SPN: variants seen among roughly 807,000 people sequenced by gnomAD.
SPN encodes the protein leukosialin.
Under a neutral mutation model 8.4 loss-of-function variants are expected in SPN, and 6 were observed. The observed-to-expected ratio is 0.72, with a 90% confidence interval of 0.39 to 1.42. The LOEUF (loss-of-function observed/expected upper bound fraction) is 1.42, where lower values mean the gene tolerates loss of function less well. Ranked by LOEUF, SPN falls within the 40% of genes most tolerant of loss-of-function variation. The pLI is 0.02. For missense variants in SPN, 517 were observed against 530.6 expected (o/e 0.97, Z 0.25); for synonymous variants, 201 against 222.6 (o/e 0.90, Z 0.86).
rs1391680000 is a variant in SPN at position 29,666,842 on chromosome 16, A to G, written c.*1911A>G. The stretch of plus-strand genomic sequence containing the variant: ...CCAGCCCAGGCTACAGCCCAGGAGC[A>G]CACATGGGCCAGGGCAGTTGGTATT... On this transcript the variant is annotated 3_prime_UTR_variant, in exon 2 of 2. Coordinates refer to ENST00000652691, the MANE Select transcript of SPN (RefSeq NM_003123.6). The G allele has an allele frequency of 1.1e-5, 5 of 466,804 alleles. No individual in the cohort carries two copies. Among genetic ancestry groups the G allele is most frequent in the Non-Finnish European group, 1.8e-5 (4 of 224,238 alleles). The allele number at this position is 466,804 out of a possible 1,614,324, so 28.9% of individuals were successfully genotyped here.
rs1398003224 is a variant in SPN, at chr16:29,670,560, TA to T, written c.*5632del. 6.6e-5 allele frequency: 17 copies of T among 258,682 alleles called. No homozygotes were observed. In the Admixed American group the frequency reaches 8.5e-4, roughly 13 times the overall value. 16.0% of individuals were successfully genotyped at this position (258,682 alleles called of 1,614,324 possible). A position where few individuals can be genotyped will look rare whatever the true frequency, so the allele number is the denominator to read the frequency against. ...AATATATTAGTTATGAAAATAATTG[TA>T]AATGGCTTATTGAACTTATAGTCAG... On this transcript the variant is annotated 3_prime_UTR_variant, in exon 2 of 2. Coordinates refer to ENST00000652691, the MANE Select transcript of SPN (RefSeq NM_003123.6).
rs1966824227 is a variant in SPN, at chr16:29,666,882, A to G, written c.*1951A>G. The G allele has an allele frequency of 2.1e-6, 1 of 470,864 alleles. No homozygotes were observed. 29.2% of individuals were successfully genotyped at this position (470,864 alleles called of 1,614,324 possible). On this transcript the variant is annotated 3_prime_UTR_variant, in exon 2 of 2. Transcript: ENST00000652691. ...CAGTTGGTATTTCCCGAGGACAAAG[A>G]GGAAATTTTCAAAGAGGAAGTTGTT... is the stretch of plus-strand genomic sequence containing the variant.
In SPN at chr16:29,666,947, C is replaced by T. The variant is rs1966824860; in HGVS notation, c.*2016C>T. 2.1e-6 allele frequency: 1 copy of T among 470,816 alleles called. No homozygotes were observed. The highest frequency in any genetic ancestry group is 4.4e-6 in the Non-Finnish European group (1 of 226,874). 29.2% of individuals were successfully genotyped at this position (470,816 alleles called of 1,614,324 possible). ...GGTGGCTGAGAGCAGACAGGTTGAC[C>T]TGCAAAAAAAGACAGGGGAGGCATG... On this transcript the variant is annotated 3_prime_UTR_variant, in exon 2 of 2. Coordinates refer to ENST00000652691, the MANE Select transcript of SPN (RefSeq NM_003123.6).
At position 29,664,526 on chromosome 16, in the gene SPN, G is replaced by A. The variant is rs375631680; in HGVS notation, c.798G>A (p.Ala266=). The part of the protein sequence containing the change: ...LPVAVLVALL[A]VIVLVALLLL... ...TGGCTGTGCTTGTGGCCCTGCTGGCGGTCATAGTCCTCGTGGCTCTGCTCC... is the reference window on the plus strand; with the variant it reads ...TGGCTGTGCTTGTGGCCCTGCTGGCAGTCATAGTCCTCGTGGCTCTGCTCC... Residue 266 remains alanine (A), a synonymous_variant, in exon 2 of 2, where the codon GCG becomes GCA. Coordinates refer to ENST00000652691, the MANE Select transcript of SPN (RefSeq NM_003123.6). This position sits in a 1 kb window ranked among gnomAD's most constrained non-coding sequence, Gnocchi z 6.4. 3.7e-5 allele frequency: 59 copies of A among 1,614,036 alleles called. No individual in the cohort carries two copies. In the East Asian group the frequency reaches 8.7e-4, roughly 24 times the overall value.
rs1403380833 is a variant in SPN, at chr16:29,664,061, T to G, written c.333T>G (p.His111Gln). The change falls in exon 2 of 2, where the codon CAT becomes CAG. Residue 111 changes from histidine (H) to glutamine (Q), a missense_variant. Physicochemically the swap from His to Gln is conservative, Grantham distance 24. Transcript: ENST00000652691. This position sits in a 1 kb window ranked among gnomAD's most constrained non-coding sequence, Gnocchi z 6.4. ...KMSSVPQETPHATSHPAVPIT... is the reference protein window; with the variant it reads ...KMSSVPQETPQATSHPAVPIT... ...CATCAGTGCCCCAGGAAACCCCTCA[T>G]GCAACCAGTCATCCTGCTGTTCCCA... is the stretch of plus-strand genomic sequence containing the variant. 1 of 1,613,986 alleles carries G rather than the reference T, an allele frequency of 6.2e-7. No homozygotes were observed. The highest frequency in any genetic ancestry group is 8.5e-7 in the Non-Finnish European group (1 of 1,179,986).
In SPN at chr16:29,666,520, T is replaced by TCACACACA. The variant is rs1402543215; in HGVS notation, c.*1590_*1591insACACACAC. The TCACACACA allele has an allele frequency of 4.6e-4, 62 of 133,474 alleles. No individual in the cohort carries two copies. The highest frequency in any genetic ancestry group is 1.6e-3 in the East Asian group (6 of 3,682). The allele number at this position is 133,474 out of a possible 1,614,324, so 8.3% of individuals were successfully genotyped here. On this transcript the variant is annotated 3_prime_UTR_variant, in exon 2 of 2. Transcript: ENST00000652691. ...CATGTGCGCTCTCTCTCTCTCTCTC[T>TCACACACA]CTCTCACACACACACACACACACAC...
In SPN at chr16:29,664,940, G is replaced by C; in HGVS notation, c.*9G>C. 2 of 1,369,150 alleles carry C rather than the reference G, an allele frequency of 1.5e-6. No homozygotes were observed. Among genetic ancestry groups the C allele is most frequent in the Non-Finnish European group, 1.9e-6 (2 of 1,055,770 alleles). 84.8% of individuals were successfully genotyped at this position (1,369,150 alleles called of 1,614,324 possible). On this transcript the variant is annotated 3_prime_UTR_variant, in exon 2 of 2. Coordinates refer to ENST00000652691, the MANE Select transcript of SPN (RefSeq NM_003123.6). The surrounding 1 kb of genome is among the most constrained non-coding windows in gnomAD (Gnocchi z 6.4). ...ACGGGGCTGCCCCTTAAGTGTCGGT[G>C]AATAGTGAGGCTGGAGGCCGGAATC...
In SPN at chr16:29,663,590, C is replaced by A. The variant is rs548524210; in HGVS notation, c.-34-105C>A. On this transcript the variant is annotated intron_variant, in intron 1 of 1. Transcript: ENST00000652691. The surrounding 1 kb of genome is among the most constrained non-coding windows in gnomAD (Gnocchi z 4.3). ...GCCAGCATGGAAAAAACCGTTAAAC[C>A]GCAGGTTGGGCCTGGCCGTTGGCAG... is the stretch of plus-strand genomic sequence containing the variant. 8.2e-7 allele frequency: 1 copy of A among 1,224,304 alleles called. No homozygotes were observed. The highest frequency in any genetic ancestry group is 1.1e-6 in the Non-Finnish European group (1 of 888,820). The allele number at this position is 1,224,304 out of a possible 1,614,324, so 75.8% of individuals were successfully genotyped here.
In SPN at chr16:29,664,475, T is replaced by G. The variant is rs1310259970; in HGVS notation, c.747T>G (p.Asp249Glu). ...NASTVPFRNP[D>E]ENSRGMLPVA... ...GCACTGTGCCCTTCCGGAACCCAGA[T>G]GAGAACTCACGAGGCATGCTGCCAG... is the stretch of plus-strand genomic sequence containing the variant. The change falls in exon 2 of 2, where the codon GAT becomes GAG. Residue 249 changes from aspartate to glutamate, a missense_variant. Asp to Glu is a conservative substitution (Grantham distance 45). Transcript: ENST00000652691. The surrounding 1 kb of genome is among the most constrained non-coding windows in gnomAD (Gnocchi z 6.4). 3 of 1,614,198 alleles carry G rather than the reference T, an allele frequency of 1.9e-6. No homozygotes were observed.
rs1408273775 is a variant in SPN, at chr16:29,667,516, G to A, written c.*2585G>A. On this transcript the variant is annotated 3_prime_UTR_variant, in exon 2 of 2. Transcript: ENST00000652691. ...GCACAGGCCGGGTGCGGTGGCTCAC[G>A]CCTGTAATCTCAGCACTTTGGGAGG... is the stretch of plus-strand genomic sequence containing the variant. 3 of 166,344 alleles carry A rather than the reference G, an allele frequency of 1.8e-5. No homozygotes were observed. Among genetic ancestry groups the A allele is most frequent in the Non-Finnish European group, 1.4e-5 (1 of 69,364 alleles). 10.3% of individuals were successfully genotyped at this position (166,344 alleles called of 1,614,324 possible). A position where few individuals can be genotyped will look rare whatever the true frequency, so the allele number is the denominator to read the frequency against.
rs1596769715 is a variant in SPN, at chr16:29,663,666, G to A, written c.-34-29G>A. The A allele has an allele frequency of 2.0e-6, 3 of 1,513,686 alleles. No homozygotes were observed. The highest frequency in any genetic ancestry group is 2.5e-4 in the Middle Eastern group (1 of 3,976). 93.8% of individuals were successfully genotyped at this position (1,513,686 alleles called of 1,614,324 possible). On this transcript the variant is annotated intron_variant, in intron 1 of 1. Coordinates refer to ENST00000652691, the MANE Select transcript of SPN (RefSeq NM_003123.6). This position sits in a 1 kb window ranked among gnomAD's most constrained non-coding sequence, Gnocchi z 4.3. ...CCAGGTCCTCCGGCAACTCCCGCGT[G>A]TTCTGCTTCTCCGGCTGCCCACCTG...
chr16:29,666,928 T>G lies in SPN; in HGVS notation c.*1997T>G. On this transcript the variant is annotated 3_prime_UTR_variant, in exon 2 of 2. Transcript: ENST00000652691. ...TTGTTGAGTTAGAGCTTGCGGTGGCTGAGAGCAGACAGGTTGACCTGCAAA... is the reference window on the plus strand; with the variant it reads ...TTGTTGAGTTAGAGCTTGCGGTGGCGGAGAGCAGACAGGTTGACCTGCAAA... The G allele has an allele frequency of 2.1e-6, 1 of 470,766 alleles. No individual in the cohort carries two copies. The highest frequency in any genetic ancestry group is 4.4e-6 in the Non-Finnish European group (1 of 226,878). The allele number at this position is 470,766 out of a possible 1,614,324, so 29.2% of individuals were successfully genotyped here. A position where few individuals can be genotyped will look rare whatever the true frequency, so the allele number is the denominator to read the frequency against.
In SPN at chr16:29,670,603, G is replaced by A. The variant is rs1247283153; in HGVS notation, c.*5672G>A. ...TATAGTCAGTAAAAATCATGTTTTT[G>A]AAAATTATGTAATGACTTTGGAAAA... On this transcript the variant is annotated 3_prime_UTR_variant, in exon 2 of 2. Transcript: ENST00000652691. 2 of 317,430 alleles carry A rather than the reference G, an allele frequency of 6.3e-6. No individual in the cohort carries two copies. Among genetic ancestry groups the A allele is most frequent in the Non-Finnish European group, 1.3e-5 (2 of 159,090 alleles). The allele number at this position is 317,430 out of a possible 1,614,324, so 19.7% of individuals were successfully genotyped here.
rs1966845903 is a variant in SPN at position 29,670,304 on chromosome 16, C to T, written c.*5373C>T. On this transcript the variant is annotated 3_prime_UTR_variant, in exon 2 of 2. Coordinates refer to ENST00000652691, the MANE Select transcript of SPN (RefSeq NM_003123.6). ...GCCAGTTTGAAACCAGCCTGGCCAACATGGTGAAACCCTGTCTCTACTAAA... is the reference window on the plus strand; with the variant it reads ...GCCAGTTTGAAACCAGCCTGGCCAATATGGTGAAACCCTGTCTCTACTAAA... 6.5e-6 allele frequency: 1 copy of T among 154,156 alleles called. No homozygotes were observed. Among genetic ancestry groups the T allele is most frequent in the South Asian group, 2.0e-4 (1 of 5,064 alleles). The allele number at this position is 154,156 out of a possible 1,614,324, so 9.5% of individuals were successfully genotyped here.
rs1224429093 is a variant in SPN at position 29,665,540 on chromosome 16, CCT to C, written c.*612_*613del. On this transcript the variant is annotated 3_prime_UTR_variant, in exon 2 of 2. Coordinates refer to ENST00000652691, the MANE Select transcript of SPN (RefSeq NM_003123.6). ...CTATTTATCTCCATCACCATTTCCC[CCT>C]CTTTCTTGTTCCTGGAAACGGCTGC... The C allele has an allele frequency of 1.8e-5, 3 of 167,344 alleles. No individual in the cohort carries two copies. Among genetic ancestry groups the C allele is most frequent in the Non-Finnish European group, 4.4e-5 (3 of 68,360 alleles). 10.4% of individuals were successfully genotyped at this position (167,344 alleles called of 1,614,324 possible). A position where few individuals can be genotyped will look rare whatever the true frequency, so the allele number is the denominator to read the frequency against.
In SPN at chr16:29,664,563, C is replaced by G; in HGVS notation, c.835C>G (p.Arg279Gly). The G allele has an allele frequency of 6.2e-7, 1 of 1,613,172 alleles. No homozygotes were observed. Among genetic ancestry groups the G allele is most frequent in the Non-Finnish European group, 8.5e-7 (1 of 1,179,722 alleles). Residue 279 changes from arginine (R) to glycine (G), a missense_variant, in exon 2 of 2, where the codon CGG (arginine) becomes GGG (glycine). Coordinates refer to ENST00000652691, the MANE Select transcript of SPN (RefSeq NM_003123.6). The surrounding 1 kb of genome is among the most constrained non-coding windows in gnomAD (Gnocchi z 6.4). ...CGTGGCTCTGCTCCTGCTGTGGCGC[C>G]GGCGGCAGAAGCGGCGGACTGGGGC... ...VLVALLLLWR[R>G]RQKRRTGALV...
In SPN at chr16:29,665,125, G is replaced by A; in HGVS notation, c.*194G>A. On this transcript the variant is annotated 3_prime_UTR_variant, in exon 2 of 2. Transcript: ENST00000652691. The stretch of plus-strand genomic sequence containing the variant: ...GGCTGGAGTGCAATGCACGATCTCA[G>A]TTCACTGCAACCTCTGCCTCCTAAG... The A allele has an allele frequency of 1.8e-6, 1 of 541,008 alleles. No individual in the cohort carries two copies. The highest frequency in any genetic ancestry group is 4.4e-5 in the Admixed American group (1 of 22,862). 33.5% of individuals were successfully genotyped at this position (541,008 alleles called of 1,614,324 possible).
At position 29,663,638 on chromosome 16, in the gene SPN, C is replaced by T. The variant is rs1045106389; in HGVS notation, c.-34-57C>T. On this transcript the variant is annotated intron_variant, in intron 1 of 1. Transcript: ENST00000652691. This position sits in a 1 kb window ranked among gnomAD's most constrained non-coding sequence, Gnocchi z 4.3. Reference sequence around the variant, plus strand: ...CAGGGAAGTGGGCAGAGGGGAGGCCCGGCCAGGTCCTCCGGCAACTCCCGC... The same window carrying T: ...CAGGGAAGTGGGCAGAGGGGAGGCCTGGCCAGGTCCTCCGGCAACTCCCGC... 17 of 1,500,322 alleles carry T rather than the reference C, an allele frequency of 1.1e-5. No individual in the cohort carries two copies. The highest frequency in any genetic ancestry group is 1.3e-5 in the South Asian group (1 of 74,082). 92.9% of individuals were successfully genotyped at this position (1,500,322 alleles called of 1,614,324 possible).
In SPN at chr16:29,667,294, T is replaced by C. The variant is rs1403967273; in HGVS notation, c.*2363T>C. The C allele has an allele frequency of 7.5e-6, 2 of 267,370 alleles. No homozygotes were observed. The highest frequency in any genetic ancestry group is 1.6e-5 in the Non-Finnish European group (2 of 121,852). 16.6% of individuals were successfully genotyped at this position (267,370 alleles called of 1,614,324 possible). On this transcript the variant is annotated 3_prime_UTR_variant, in exon 2 of 2. Coordinates refer to ENST00000652691, the MANE Select transcript of SPN (RefSeq NM_003123.6). ...GAGCCCCCATATCAGGTTTAGAAAA[T>C]ACTGTCACCGAACGAACGTCGCTGT...
Sources: allele counts gnomAD v4.1 joint callset, GRCh38; gene constraint gnomAD v4.1.1; non-coding constraint Gnocchi (gnomAD v3.1); transcripts MANE v1.5; gene names NCBI Gene and HGNC (gene_info 2026-07-23, HGNC 2026-07-21).